Variants in NALF1 observed in about 807,000 individuals in gnomAD.
NALF1 encodes family with sequence similarity 155 member A.
In NALF1, 3 loss-of-function variants were observed where a neutral mutation model predicts 48.4. The observed-to-expected ratio is 0.06, with a 90% CI of 0.03 to 0.16. The LOEUF (loss-of-function observed/expected upper bound fraction) is 0.16. NALF1 is among the 10% of genes least tolerant of loss of function. NALF1 has a pLI of 1.00. For synonymous variants in NALF1, 262 were observed against 245.7 expected, an observed-to-expected ratio of 1.07 and a Z score of -0.62; for missense variants, 526 against 571.5, an observed-to-expected ratio of 0.92 and a Z score of 0.81.
chr13:107,465,094 C>T (rs1356276925), intron 1 of NALF1, among the ~76,000 whole-genome samples: 1 of 151,852 alleles, frequency 6.6e-6, no homozygotes, highest in African/African-American at 2.4e-5. Context: ...TGTTTAATTA[C>T]AGCATAAAAA....
intron 2 of NALF1, among the ~76,000 whole-genome samples, chr13:107,192,287 C>T (rs1025638958): frequency 1.3e-5 from 2 of 152,248 alleles, no homozygotes; most frequent in African/African-American, 2.4e-5. Flanking sequence ...ACCCAAACGA[C>T]GGATGAATAA....
intron 1 of NALF1, among the ~76,000 whole-genome samples, chr13:107,356,223 G>A (rs907151538): frequency 6.6e-5 from 10 of 152,042 alleles, no homozygotes; most frequent in Non-Finnish European, 1.3e-4. Flanking sequence ...TTTCAACACC[G>A]ACTCACATTT....
intron 2 of NALF1, among the ~76,000 whole-genome samples, chr13:107,187,210 T>C (rs890166075): frequency 1.3e-5 from 2 of 151,328 alleles, no homozygotes; most frequent in Non-Finnish European, 2.9e-5. Context: ...GCAATCTTAG[T>C]TCCATGTGCA....
intron 2 of NALF1, among the ~76,000 whole-genome samples, chr13:107,207,687 T>C (rs1689906809): frequency 6.6e-6 from 1 of 152,188 alleles, no homozygotes; most frequent in South Asian, 2.1e-4. Context: ...CTCGCTATGC[T>C]GCCCAGGCTG....
intron 1 of NALF1, among the ~76,000 whole-genome samples, chr13:107,382,124 G>T (rs1316859956): frequency 1.3e-5 from 2 of 152,104 alleles, no homozygotes; most frequent in African/African-American, 4.8e-5. Context: ...TTCATTTCCT[G>T]TGTTCATTCT....
At chr13:107,231,101 A>G (rs1321938755) in intron 1 of NALF1, among the ~76,000 whole-genome samples, 1 of 151,002 alleles carries the variant, frequency 6.6e-6, no homozygotes, top group African/African-American at 2.4e-5. Context: ...AAAAACAAAA[A>G]GGCAGCTATA....
At chr13:107,779,212 C>T (rs1231016072) in intron 1 of NALF1, among the ~76,000 whole-genome samples, 2 of 152,164 alleles carry the variant, frequency 1.3e-5, no homozygotes, top group Non-Finnish European at 2.9e-5. Context: ...TGTGTTTACA[C>T]CTGCATTCTT....
intron 1 of NALF1, among the ~76,000 whole-genome samples, chr13:107,423,839 T>C (rs1884233644): frequency 6.6e-6 from 1 of 152,226 alleles, no homozygotes; most frequent in Non-Finnish European, 1.5e-5. Context: ...AAGACATATG[T>C]ATGATCATGT....
intron 1 of NALF1, among the ~76,000 whole-genome samples, chr13:107,646,629 T>C: frequency 6.6e-6 from 1 of 152,288 alleles, no homozygotes; most frequent in East Asian, 1.9e-4. Context: ...TCTATTAATG[T>C]AATCTGTATA....
intron 1 of NALF1, among the ~76,000 whole-genome samples, chr13:107,308,578 A>G (rs1234580810): frequency 1.3e-5 from 2 of 152,248 alleles, no homozygotes; most frequent in African/African-American, 2.4e-5. Context: ...TGCTAACCAT[A>G]TGAAAAATTG....
At chr13:107,625,775 A>G (rs1879652751) in intron 1 of NALF1, among the ~76,000 whole-genome samples, 1 of 152,110 alleles carries the variant, frequency 6.6e-6, no homozygotes, top group African/African-American at 2.4e-5. Flanking sequence ...CACTACACCA[A>G]CAAAACCTGT....
At chr13:107,236,598 G>T (rs1880347043) in intron 1 of NALF1, among the ~76,000 whole-genome samples, 1 of 152,068 alleles carries the variant, frequency 6.6e-6, no homozygotes, top group Non-Finnish European at 1.5e-5. Flanking sequence ...TCAAATCCAT[G>T]GAATAGAAAC....
At chr13:107,828,604 TATACAC>T (rs1378496518) in intron 1 of NALF1, among the ~76,000 whole-genome samples, 17 of 27,226 alleles carry the variant, frequency 6.2e-4, no homozygotes, top group African/African-American at 1.1e-3. Flanking sequence ...TATCTATATC[TATACAC>T]ACACACACAC....
intron 1 of NALF1, among the ~76,000 whole-genome samples, chr13:107,689,537 A>T (rs944586098): frequency 4.6e-5 from 7 of 152,188 alleles, no homozygotes; most frequent in Admixed American, 1.3e-4. Flanking sequence ...TGGAGTTTCA[A>T]GAGACTGTTG....
intron 1 of NALF1, among the ~76,000 whole-genome samples, chr13:107,543,093 T>C (rs1358249274): frequency 6.6e-6 from 1 of 152,054 alleles, no homozygotes; most frequent in Non-Finnish European, 1.5e-5. Flanking sequence ...ACTTGCATTC[T>C]GAACAAAAGC....
At chr13:107,535,057 T>G (rs1342856571) in intron 1 of NALF1, among the ~76,000 whole-genome samples, 1 of 152,192 alleles carries the variant, frequency 6.6e-6, no homozygotes, top group Non-Finnish European at 1.5e-5. Context: ...TTTGCTGAAG[T>G]TGCCTATCAG....
At chr13:107,626,488 T>A (rs1472208412) in intron 1 of NALF1, among the ~76,000 whole-genome samples, 1 of 152,110 alleles carries the variant, frequency 6.6e-6, no homozygotes, top group Non-Finnish European at 1.5e-5. Flanking sequence ...GGAGCACTAT[T>A]CACAATAGCC....
chr13:107,281,116 T>G (rs1047547743), intron 1 of NALF1, among the ~76,000 whole-genome samples: 6 of 152,194 alleles, frequency 3.9e-5, no homozygotes, highest in African/African-American at 1.4e-4. Flanking sequence ...TCCAAAAATA[T>G]CTATTGAGTG....
At chr13:107,408,281 A>C (rs1883933622) in intron 1 of NALF1, among the ~76,000 whole-genome samples, 1 of 152,112 alleles carries the variant, frequency 6.6e-6, no homozygotes, top group South Asian at 2.1e-4. Context: ...AAAAGTATAC[A>C]ATTGGATTAT....
Sources: allele counts gnomAD v4.1 joint callset (sites outside exome capture counted in the v4.1 genomes callset), GRCh38; gene constraint gnomAD v4.1.1; transcripts MANE v1.5; gene names NCBI Gene and HGNC (gene_info 2026-07-23, HGNC 2026-07-21).